Variants in DOCK2 observed in about 807,000 individuals in gnomAD.
DOCK2 encodes the protein dedicator of cytokinesis protein 2.
A neutral mutation model predicts 248.9 loss-of-function variants in DOCK2; 87 were observed. That is an observed-to-expected ratio of 0.35 (90% CI 0.29 to 0.42). DOCK2 has a LOEUF of 0.42. Ranked by LOEUF, DOCK2 falls within the 10% of genes least tolerant of loss-of-function variation. DOCK2 has a pLI of 1.00. For synonymous variants in DOCK2, 805 were observed against 821.6 expected (o/e 0.98, Z 0.35); for missense variants, 1,747 against 2,300.2 (o/e 0.76, Z 4.92).
At chr5:170,037,626 A>G (rs1173896359) in intron 36 of DOCK2, among the ~76,000 whole-genome samples, 1 of 151,858 alleles carries the variant, frequency 6.6e-6, no homozygotes, top group Non-Finnish European at 1.5e-5. Flanking sequence ...AGCTGAGACT[A>G]CAGGCCTGCA....
Position 170,023,386 on chromosome 5 carries a change from G to C in DOCK2, c.3381+4278G>C, listed in dbSNP as rs1289373708. On this transcript the variant is annotated intron_variant, in intron 33 of 51. Coordinates refer to ENST00000520908, the MANE Select transcript of DOCK2 (RefSeq NM_004946.3). ...GTAAGCTGGTGATTTAAATTGTTTAGAACATAATGTGGAAAAGATTACATC... is the reference window on the plus strand; with the variant it reads ...GTAAGCTGGTGATTTAAATTGTTTACAACATAATGTGGAAAAGATTACATC... Among the ~76,000 whole-genome samples, 25 of 152,114 alleles carry C rather than the reference G, an allele frequency of 1.6e-4. 1 individual carries two copies. Among genetic ancestry groups the C allele is most frequent in the Non-Finnish European group, 3.2e-4 (22 of 68,008 alleles).
chr5:169,772,430 G>A (rs1765140939), intron 25 of DOCK2, among the ~76,000 whole-genome samples: 2 of 152,164 alleles, frequency 1.3e-5, no homozygotes, highest in African/African-American at 2.4e-5. Context: ...TGGGAGTGAG[G>A]AGACCTGAAT....
intron 35 of DOCK2, 47 bp from the exon 36 acceptor site, chr5:170,036,468 A>T (rs1160092959): frequency 1.3e-6 from 2 of 1,588,386 alleles, no homozygotes; most frequent in Admixed American, 1.7e-5. Context: ...GACCGCTGTG[A>T]TATTGCAGAG....
intron 27 of DOCK2, among the ~76,000 whole-genome samples, chr5:169,928,759 G>A (rs774386815): frequency 4.1e-4 from 62 of 152,136 alleles, no homozygotes; most frequent in Admixed American, 2.0e-4. Context: ...GGAATGAGTG[G>A]GTGGAAGAAA....
chr5:169,971,188 C>CAAAAA (rs34023676), intron 27 of DOCK2, among the ~76,000 whole-genome samples: 9,413 of 143,712 alleles, frequency 0.065, 375 homozygotes, highest in Middle Eastern at 0.1. Context: ...GAAAGAAAGG[C>CAAAAA]AAAAAAAAAA....
chr5:169,902,896 G>C (rs966222372), intron 27 of DOCK2, among the ~76,000 whole-genome samples: 1 of 152,068 alleles, frequency 6.6e-6, no homozygotes, highest in South Asian at 2.1e-4. Context: ...TCAAGAGATC[G>C]AGACCATCTT....
chr5:169,970,996 G>A (rs538710282), intron 27 of DOCK2, among the ~76,000 whole-genome samples: 142 of 152,120 alleles, frequency 9.3e-4, no homozygotes, highest in African/African-American at 3.0e-3. Flanking sequence ...GTGGGGCAGC[G>A]GGGGGAGGAC....
chr5:169,995,195 A>G (rs1172701007), intron 29 of DOCK2, among the ~76,000 whole-genome samples: 1 of 151,890 alleles, frequency 6.6e-6, no homozygotes, highest in African/African-American at 2.4e-5. Flanking sequence ...CGCCCGGCTA[A>G]TTTTTGTATT....
At chr5:170,014,165 G>A (rs1477811937) in intron 32 of DOCK2, among the ~76,000 whole-genome samples, 1 of 152,096 alleles carries the variant, frequency 6.6e-6, no homozygotes, top group Non-Finnish European at 1.5e-5. Flanking sequence ...GTTGGGGAGA[G>A]GCTGCTGGGA....
rs1027011556 is a variant in DOCK2, at chr5:169,912,765, A to C, written c.2800-70303A>C. ...AGTTTTTGGTAAAGAAAGGAGGATC[A>C]AACATAGCAGGGTGGCAGCAGCAGG... On this transcript the variant is annotated intron_variant, in intron 27 of 51. Transcript: ENST00000520908. Among the ~76,000 whole-genome samples the C allele has an allele frequency of 3.9e-5, 6 of 152,264 alleles. No individual in the cohort carries two copies. The South Asian group carries it at 1.2e-3, about 32-fold the overall frequency.
intron 27 of DOCK2, among the ~76,000 whole-genome samples, chr5:169,975,786 G>T (rs1777695261): frequency 6.6e-6 from 1 of 152,150 alleles, no homozygotes. Flanking sequence ...TGTTCCCTCT[G>T]TTCCTGGCTC....
intron 42 of DOCK2, 84 bp from the exon 43 acceptor site, chr5:170,056,600 A>G: frequency 3.6e-6 from 4 of 1,125,214 alleles, no homozygotes; most frequent in Non-Finnish European, 5.3e-6. Context: ...ACTGTAATGA[A>G]CCTCCCTGGA....
rs767169867 is a variant in DOCK2, at chr5:169,996,146, C to T, written c.3054C>T (p.His1018=). The T allele has an allele frequency of 6.2e-7, 1 of 1,613,990 alleles. No individual in the cohort carries two copies. The highest frequency in any genetic ancestry group is 8.5e-7 in the Non-Finnish European group (1 of 1,179,898). The change falls in exon 30 of 52, where the codon CAC becomes CAT. Residue 1018 remains histidine, a synonymous_variant. Transcript: ENST00000520908. ...AETMNQKFLE[H]TNFEFQLWNN... is the part of the protein sequence containing the mutation. ...CCATGAACCAGAAGTTCCTAGAACA[C>T]ACGAACTTTGAGTTCCAGGTGAGTA...
intron 25 of DOCK2, among the ~76,000 whole-genome samples, chr5:169,799,967 G>A (rs1346603387): frequency 6.6e-6 from 1 of 151,994 alleles, no homozygotes; most frequent in Non-Finnish European, 1.5e-5. Context: ...ACTATGCCCA[G>A]CTAATTTTTA....
chr5:169,857,912 T>C (rs1233545705), intron 27 of DOCK2, among the ~76,000 whole-genome samples: 1 of 152,184 alleles, frequency 6.6e-6, no homozygotes, highest in Non-Finnish European at 1.5e-5. Flanking sequence ...TGGTTTTATA[T>C]TTGATAAGTG....
intron 38 of DOCK2, among the ~76,000 whole-genome samples, chr5:170,045,213 C>T (rs1317899643): frequency 3.3e-5 from 5 of 152,112 alleles, no homozygotes; most frequent in Non-Finnish European, 5.9e-5. Context: ...AGAAGAATCC[C>T]AGGACTGCAT....
chr5:169,864,214 G>A (rs1771389484), intron 27 of DOCK2: 1 of 1,424,856 alleles, frequency 7.0e-7, no homozygotes, highest in Non-Finnish European at 9.7e-7. Context: ...AAGTGCAGTG[G>A]ATTTCCCATC....
intron 33 of DOCK2, among the ~76,000 whole-genome samples, chr5:170,024,357 CTTTT>C (rs35718164): frequency 9.9e-6 from 1 of 100,750 alleles, no homozygotes; most frequent in Non-Finnish European, 1.9e-5. Flanking sequence ...TTGGGAGAGC[CTTTT>C]TTTTTTTTTT....
chr5:169,752,515 G>C (rs1267194477), intron 23 of DOCK2, among the ~76,000 whole-genome samples: 1 of 151,494 alleles, frequency 6.6e-6, no homozygotes, highest in African/African-American at 2.4e-5. Flanking sequence ...GAGGTGAGAG[G>C]ATCTCTCAAG....
Sources: allele counts gnomAD v4.1 joint callset (sites outside exome capture counted in the v4.1 genomes callset), GRCh38; gene constraint gnomAD v4.1.1; transcripts MANE v1.5; gene names NCBI Gene and HGNC (gene_info 2026-07-23, HGNC 2026-07-21).